The following SPAG17 variants were observed in gnomAD, a reference collection of about 807,000 sequenced individuals.
SPAG17 encodes the protein sperm-associated antigen 17.
In SPAG17, 169 loss-of-function variants were observed where a neutral mutation model predicts 273.6. That is an observed-to-expected ratio of 0.62 (90% confidence interval 0.55 to 0.70). The LOEUF (loss-of-function observed/expected upper bound fraction) is 0.70, where lower values mean the gene tolerates loss of function less well. Among genes scored for constraint, SPAG17 ranks in the 30% least tolerant of loss-of-function variants. The probability of loss-of-function intolerance (pLI) is 0.00; values close to 1 mark genes in which losing one functional copy is unlikely to be tolerated. For missense variants in SPAG17, 2,557 were observed against 2,627.8 expected (o/e 0.97, Z 0.59); for synonymous variants, 825 against 873.2 (o/e 0.94, Z 0.97).
chr1:118,056,294 T>C (rs1408246030), intron 18 of SPAG17, among the ~76,000 whole-genome samples: 1 of 152,180 alleles, frequency 6.6e-6, no homozygotes, highest in Non-Finnish European at 1.5e-5. Flanking sequence ...AATAATACAA[T>C]GCAATCTCTT....
At chr1:118,147,686 G>T (rs865892072) in intron 3 of SPAG17, among the ~76,000 whole-genome samples, 2 of 152,294 alleles carry the variant, frequency 1.3e-5, no homozygotes, top group South Asian at 2.1e-4. Context: ...GAAATTCTAA[G>T]GTTTCAGGGG....
chr1:118,092,624 A>C (rs1460593955), intron 8 of SPAG17, among the ~76,000 whole-genome samples: 1 of 152,004 alleles, frequency 6.6e-6, no homozygotes, highest in Non-Finnish European at 1.5e-5. Flanking sequence ...ATCTTTCCCC[A>C]CATCGCTAAT....
intron 3 of SPAG17, among the ~76,000 whole-genome samples, chr1:118,132,935 C>G (rs1198072188): frequency 1.3e-5 from 2 of 152,040 alleles, no homozygotes; most frequent in African/African-American, 4.8e-5. Flanking sequence ...CCATACCCAG[C>G]TATTTTTTTG....
intron 17 of SPAG17, among the ~76,000 whole-genome samples, chr1:118,073,396 T>G (rs1653790821): frequency 6.6e-6 from 1 of 152,240 alleles, no homozygotes; most frequent in Non-Finnish European, 1.5e-5. Context: ...TATTAATCAG[T>G]GCCTGGCACA....
chr1:117,980,956 C>A (rs1264299079), intron 43 of SPAG17, among the ~76,000 whole-genome samples: 1 of 152,130 alleles, frequency 6.6e-6, no homozygotes, highest in South Asian at 2.1e-4. Flanking sequence ...GTCATCTGAT[C>A]TTCAATAAAT....
chr1:118,078,872 AC>A (rs1367650466), intron 15 of SPAG17, among the ~76,000 whole-genome samples: 3 of 152,026 alleles, frequency 2.0e-5, no homozygotes, highest in African/African-American at 7.2e-5. Flanking sequence ...TATTGATTTT[AC>A]AATGTATATA....
At chr1:117,978,368 A>G (rs1427341847) in intron 43 of SPAG17, among the ~76,000 whole-genome samples, 1 of 152,152 alleles carries the variant, frequency 6.6e-6, no homozygotes, top group Non-Finnish European at 1.5e-5. Context: ...ATTCATATCT[A>G]AGGTTAATTC....
intron 9 of SPAG17, 82 bp downstream of exon 9, chr1:118,091,848 G>A: frequency 6.9e-7 from 1 of 1,458,028 alleles, no homozygotes; most frequent in Non-Finnish European, 9.6e-7. Context: ...AAGGGAGGCT[G>A]AAAGTAATAT....
chr1:117,988,558 T>C (rs1349282931), intron 38 of SPAG17, among the ~76,000 whole-genome samples: 15 of 152,146 alleles, frequency 9.9e-5, no homozygotes. Flanking sequence ...CTGGATATTT[T>C]CCTGTTCCCG....
intron 40 of SPAG17, among the ~76,000 whole-genome samples, chr1:117,985,559 ATGT>A (rs1466458295): frequency 6.6e-6 from 1 of 152,194 alleles, no homozygotes; most frequent in Non-Finnish European, 1.5e-5. Flanking sequence ...ATTCCTGATG[ATGT>A]TGTGGTGCTT....
intron 26 of SPAG17, among the ~76,000 whole-genome samples, chr1:118,027,920 A>G (rs888766225): frequency 1.4e-4 from 21 of 152,232 alleles, no homozygotes; most frequent in African/African-American, 5.1e-4. Flanking sequence ...ACACAGGGAT[A>G]CACACAAGTT....
At chr1:118,000,438 A>T (rs138299885) in intron 32 of SPAG17, among the ~76,000 whole-genome samples, 1,537 of 152,226 alleles carry the variant, frequency 0.01, 25 homozygotes, top group African/African-American at 0.035. Flanking sequence ...CACAATATTG[A>T]TTCTTCCTAT....
At chr1:118,125,141 C>A (rs1329556762) in intron 3 of SPAG17, among the ~76,000 whole-genome samples, 1 of 152,106 alleles carries the variant, frequency 6.6e-6, no homozygotes, top group African/African-American at 2.4e-5. Flanking sequence ...ACTCAGGACC[C>A]TCAGTCCTGA....
intron 35 of SPAG17, among the ~76,000 whole-genome samples, chr1:117,993,220 T>C (rs1286289936): frequency 6.6e-6 from 1 of 152,210 alleles, no homozygotes; most frequent in Non-Finnish European, 1.5e-5. Context: ...TGTGCTTTGC[T>C]GCCCTACTAT....
intron 24 of SPAG17, among the ~76,000 whole-genome samples, chr1:118,034,002 G>A (rs993887415): frequency 1.3e-5 from 2 of 152,034 alleles, no homozygotes; most frequent in Non-Finnish European, 1.5e-5. Context: ...GATGTACCAC[G>A]AATTAATTCA....
At chr1:118,116,498 A>G (rs1440522360) in intron 3 of SPAG17, among the ~76,000 whole-genome samples, 1 of 152,130 alleles carries the variant, frequency 6.6e-6, no homozygotes, top group Non-Finnish European at 1.5e-5. Flanking sequence ...GTCTCAGACA[A>G]TGACTGTGCA....
chr1:118,097,527 A>G lies in SPAG17; in HGVS notation c.1011+143T>C, dbSNP rs1570688373. 4.0e-6 allele frequency: 2 copies of G among 501,268 alleles called. 1 individual carries two copies. The highest frequency in any genetic ancestry group is 5.8e-4 in the Middle Eastern group (2 of 3,448). The allele number at this position is 501,268 out of a possible 1,614,324, so 31.1% of individuals were successfully genotyped here. A position where few individuals can be genotyped will look rare whatever the true frequency, so the allele number is the denominator to read the frequency against. On this transcript the variant is annotated intron_variant, in intron 7 of 48. Coordinates refer to ENST00000336338, the MANE Select transcript of SPAG17 (RefSeq NM_206996.4). ...TAACTATCATTGAGCATTCCATATT[A>G]TCATTATCCTGAAGATAAAAGAGCC...
chr1:117,981,472 T>A, intron 42 of SPAG17, 71 bp from the exon 43 acceptor site: 1 of 1,449,616 alleles, frequency 6.9e-7, no homozygotes, highest in Non-Finnish European at 9.3e-7. Context: ...AATGTTTGCA[T>A]GAACAAACAT....
intron 43 of SPAG17, among the ~76,000 whole-genome samples, 167 bp from the exon 44 acceptor site, chr1:117,973,728 T>G (rs1288718790): frequency 6.6e-6 from 1 of 152,166 alleles, no homozygotes; most frequent in Non-Finnish European, 1.5e-5. Context: ...TTCTTTTAGA[T>G]TTACTGCAGG....
Sources: allele counts gnomAD v4.1 joint callset (sites outside exome capture counted in the v4.1 genomes callset), GRCh38; gene constraint gnomAD v4.1.1; transcripts MANE v1.5; gene names NCBI Gene and HGNC (gene_info 2026-07-23, HGNC 2026-07-21).